Variants in SLC3A2 observed in about 807,000 individuals in gnomAD.
The protein encoded by SLC3A2 is solute carrier family 3 member 2.
A neutral mutation model predicts 48.5 loss-of-function variants in SLC3A2; 32 were observed. The observed-to-expected ratio is 0.66, with a 90% CI of 0.50 to 0.89. SLC3A2 has a LOEUF of 0.89. SLC3A2 is among the 40% of genes least tolerant of loss of function. The probability of loss-of-function intolerance (pLI) is 0.00; values close to 1 mark genes in which losing one functional copy is unlikely to be tolerated. For synonymous variants in SLC3A2, 277 were observed against 288.8 expected, an observed-to-expected ratio of 0.96 and a Z score of 0.41; for missense variants, 587 against 680.7, an observed-to-expected ratio of 0.86 and a Z score of 1.53.
At chr11:62,857,875 G>A (rs1453634370) in intron 1 of SLC3A2, among the ~76,000 whole-genome samples, 1 of 151,876 alleles carries the variant, frequency 6.6e-6, no homozygotes, top group African/African-American at 2.4e-5. Flanking sequence ...CCAGTTAAAG[G>A]AACAACTGGA....
chr11:62,856,469 A>G (rs1472223786), intron 1 of SLC3A2: 4 of 1,175,870 alleles, frequency 3.4e-6, no homozygotes, highest in Non-Finnish European at 3.6e-6. Flanking sequence ...TGCTTCACTG[A>G]AGACAGGATC....
chr11:62,860,239 C>T (rs1328298441), intron 1 of SLC3A2, among the ~76,000 whole-genome samples: 2 of 152,078 alleles, frequency 1.3e-5, no homozygotes, highest in African/African-American at 4.8e-5. Flanking sequence ...CGGTGGCTCA[C>T]GCCTGTAATC....
At chr11:62,861,865 C>T (rs1351664506) in intron 1 of SLC3A2, among the ~76,000 whole-genome samples, 1 of 145,720 alleles carries the variant, frequency 6.9e-6, no homozygotes, top group African/African-American at 2.6e-5. Context: ...GAGCTGAGAT[C>T]GTGCCACTGC....
chr11:62,859,014 G>A (rs2085369089), intron 1 of SLC3A2, among the ~76,000 whole-genome samples: 1 of 152,076 alleles, frequency 6.6e-6, no homozygotes, highest in Non-Finnish European at 1.5e-5. Context: ...TGTCTCAACT[G>A]CAAGAGGCAT....
chr11:62,876,385 C>T (rs1205112267), upstream of SLC3A2, among the ~76,000 whole-genome samples: 1 of 152,092 alleles, frequency 6.6e-6, no homozygotes, highest in East Asian at 1.9e-4. Flanking sequence ...TGCCAAACTG[C>T]TTTTTTTCCT....
chr11:62,874,213 T>C (rs1301277941), intron 1 of SLC3A2, among the ~76,000 whole-genome samples: 2 of 151,978 alleles, frequency 1.3e-5, no homozygotes, highest in Non-Finnish European at 2.9e-5. Flanking sequence ...TTGGAGGGCC[T>C]CAGTGATCAT....
chr11:62,883,805 C>G (rs777281977), intron 3 of SLC3A2: 29 of 356,704 alleles, frequency 8.1e-5, no homozygotes, highest in Non-Finnish European at 1.3e-4. Context: ...GAGTACATGG[C>G]CCAGAGAAAG....
chr11:62,881,253 G>A lies in SLC3A2; in HGVS notation c.230G>A (p.Trp77Ter), dbSNP rs745456273. The change falls in exon 1 of 9, where the codon TGG becomes TAG. Residue 77 changes from tryptophan (W) to a stop codon, truncating the protein, a stop_gained. Transcript: ENST00000338663. LOFTEE classifies it high-confidence loss of function. The surrounding 1 kb of genome is among the most constrained non-coding windows in gnomAD (Gnocchi z 4.0). Reference sequence around the variant, plus strand: ...CTGAAGGTGGCAGGCAGCCCCGGCTGGGTACGCACCCGCTGGGCACTGCTG... The same window carrying A: ...CTGAAGGTGGCAGGCAGCCCCGGCTAGGTACGCACCCGCTGGGCACTGCTG... ...ELLKVAGSPGWVRTRWALLLL... is the reference protein window; with the variant it reads ...ELLKVAGSPG 14 of 1,585,072 alleles carry A rather than the reference G, an allele frequency of 8.8e-6. No individual in the cohort carries two copies. Among genetic ancestry groups the A allele is most frequent in the Non-Finnish European group, 1.0e-5 (12 of 1,167,046 alleles).
At chr11:62,866,639 G>T (rs956419007) in intron 1 of SLC3A2, among the ~76,000 whole-genome samples, 1 of 152,078 alleles carries the variant, frequency 6.6e-6, no homozygotes, top group East Asian at 1.9e-4. Flanking sequence ...CAGGTGATCC[G>T]CCCTCCGCAG....
At chr11:62,887,127 T>G (rs1565257313) in intron 7 of SLC3A2, among the ~76,000 whole-genome samples, 1 of 152,158 alleles carries the variant, frequency 6.6e-6, no homozygotes, top group African/African-American at 2.4e-5. Flanking sequence ...GATACAGCAT[T>G]GCACAAGAGA....
upstream of SLC3A2, chr11:62,880,836 A>G (rs2085623477): frequency 2.3e-6 from 3 of 1,307,078 alleles, 1 homozygote; most frequent in Admixed American, 9.2e-5. Context: ...TTCCACCTTA[A>G]GGGGCGGGCC....
intron 1 of SLC3A2, among the ~76,000 whole-genome samples, chr11:62,873,121 A>G (rs116762262): frequency 0.018 from 2,735 of 151,434 alleles, 74 homozygotes; most frequent in African/African-American, 0.061. Context: ...TCCCAGGCTC[A>G]AGTGATACCT....
At chr11:62,871,809 G>A (rs1336514606) in intron 1 of SLC3A2, 2 of 355,804 alleles carry the variant, frequency 5.6e-6, no homozygotes, top group Non-Finnish European at 5.0e-6. Context: ...ATCTTACAAA[G>A]TTCTCACCAC....
chr11:62,880,985 G>A lies in SLC3A2; in HGVS notation c.-39G>A. On this transcript the variant is annotated 5_prime_UTR_variant, in exon 1 of 9. Coordinates refer to ENST00000338663, the MANE Select transcript of SLC3A2 (RefSeq NM_001013251.3). ...CCAGGTAGGGGTTGAGCCACCATCT[G>A]ACCGCAAGCTGCGTCGTGTCGCCGG... 1 of 1,534,404 alleles carries A rather than the reference G, an allele frequency of 6.5e-7. No individual in the cohort carries two copies. Among genetic ancestry groups the A allele is most frequent in the South Asian group, 1.3e-5 (1 of 78,008 alleles).
chr11:62,860,610 C>A (rs2085389371), intron 1 of SLC3A2, among the ~76,000 whole-genome samples: 1 of 152,176 alleles, frequency 6.6e-6, no homozygotes, highest in African/African-American at 2.4e-5. Flanking sequence ...TTCCTCTTAT[C>A]TCAACTGCAA....
At chr11:62,886,204 C>T (rs1004153171) in intron 7 of SLC3A2, among the ~76,000 whole-genome samples, 4 of 151,860 alleles carry the variant, frequency 2.6e-5, no homozygotes, top group Non-Finnish European at 5.9e-5. Context: ...GCAAGAGAAT[C>T]GCTTGAACCT....
chr11:62,862,252 GGCAACGATGAGCTCATC>G (rs977944121), intron 1 of SLC3A2, among the ~76,000 whole-genome samples: 12 of 145,642 alleles, frequency 8.2e-5, no homozygotes, highest in Middle Eastern at 3.8e-3. Flanking sequence ...GGGAGGTGGA[GGCAACGATGAGCTCATC>G]GCAACGATGA....
chr11:62,870,859 ATTATTATTATTATTATT>A (rs1565247869), intron 1 of SLC3A2: 2 of 128,874 alleles, frequency 1.6e-5, no homozygotes, highest in Non-Finnish European at 2.8e-5. Flanking sequence ...AATAATAATT[ATTATTATTATTATTATT>A]ATTATTATTA....
At chr11:62,887,942 A>C (rs571925151) in intron 7 of SLC3A2, 193 bp from the exon 8 acceptor site, 16 of 536,612 alleles carry the variant, frequency 3.0e-5, no homozygotes, top group Admixed American at 6.2e-5. Context: ...ATAGGGATGT[A>C]ACACTACACC....
Sources: allele counts gnomAD v4.1 joint callset (sites outside exome capture counted in the v4.1 genomes callset), GRCh38; gene constraint gnomAD v4.1.1; non-coding constraint Gnocchi (gnomAD v3.1); transcripts MANE v1.5; gene names NCBI Gene and HGNC (gene_info 2026-07-23, HGNC 2026-07-21).